The following USP49 variants were observed in gnomAD, a reference collection of about 807,000 sequenced individuals.
USP49 encodes the protein ubiquitin carboxyl-terminal hydrolase 49.
USP49 carries 24 observed loss-of-function variants against 58.6 expected under a neutral mutation model. That is an observed-to-expected ratio of 0.41 (90% confidence interval 0.30 to 0.58). The LOEUF (loss-of-function observed/expected upper bound fraction) is 0.58. USP49 is among the 20% of genes least tolerant of loss of function. The pLI is 0.30. For missense variants in USP49, 703 were observed against 866.1 expected (o/e 0.81, Z 2.36); for synonymous variants, 408 against 365.1 (o/e 1.12, Z -1.34).
intron 3 of USP49, among the ~76,000 whole-genome samples, chr6:41,848,015 A>T (rs1773953065): frequency 6.6e-6 from 1 of 152,236 alleles, no homozygotes; most frequent in South Asian, 2.1e-4. Context: ...GGCAGAGAAC[A>T]TATTCAAAGC....
At chr6:41,837,827 A>T (rs1561913849) in intron 3 of USP49, among the ~76,000 whole-genome samples, 1 of 152,228 alleles carries the variant, frequency 6.6e-6, no homozygotes, top group Non-Finnish European at 1.5e-5. Flanking sequence ...AAGAAGACAT[A>T]TGGTGGCCAA....
At chr6:41,826,809 CCTGTGGAGGA>C (rs943124608) in intron 3 of USP49, among the ~76,000 whole-genome samples, 1 of 152,102 alleles carries the variant, frequency 6.6e-6, no homozygotes, top group Non-Finnish European at 1.5e-5. Flanking sequence ...CTGCCAGCCT[CCTGTGGAGGA>C]CTGTGGAGGA....
intron 3 of USP49, among the ~76,000 whole-genome samples, chr6:41,860,438 G>A (rs191305495): frequency 7.9e-5 from 12 of 152,196 alleles, no homozygotes; most frequent in Admixed American, 2.0e-4. Flanking sequence ...ACTACTATTC[G>A]ATGATATTAA....
chr6:41,815,830 G>A (rs1177384084), intron 3 of USP49, among the ~76,000 whole-genome samples: 1 of 152,226 alleles, frequency 6.6e-6, no homozygotes, highest in East Asian at 1.9e-4. Context: ...CAGTAATCAA[G>A]TGCTGATATT....
chr6:41,807,626 G>A (rs781735665), intron 3 of USP49, among the ~76,000 whole-genome samples: 2 of 151,768 alleles, frequency 1.3e-5, no homozygotes, highest in Non-Finnish European at 2.9e-5. Context: ...ATTTTTAGTA[G>A]AGACGGGGTT....
intron 3 of USP49, among the ~76,000 whole-genome samples, chr6:41,860,201 T>C (rs937007790): frequency 6.6e-6 from 1 of 152,120 alleles, no homozygotes; most frequent in Non-Finnish European, 1.5e-5. Context: ...AGACTTAGTT[T>C]CTTTAGAGTC....
At chr6:41,894,702 T>G (rs949592196) in intron 1 of USP49, among the ~76,000 whole-genome samples, 1 of 151,612 alleles carries the variant, frequency 6.6e-6, no homozygotes. Context: ...CTACGAAGAT[T>G]TCCCCTTCAA....
chr6:41,809,010 T>C (rs1360788320), intron 3 of USP49, among the ~76,000 whole-genome samples: 1 of 151,438 alleles, frequency 6.6e-6, no homozygotes, highest in Non-Finnish European at 1.5e-5. Flanking sequence ...ACTTCCTGGG[T>C]TCAAGTGATC....
chr6:41,890,378 CA>C (rs34841111), intron 2 of USP49, among the ~76,000 whole-genome samples: 36 of 135,620 alleles, frequency 2.7e-4, no homozygotes, highest in African/African-American at 3.1e-4. Context: ...TACTCCAACT[CA>C]AAAAAAAAAA....
chr6:41,804,045 C>T (rs1773066306), intron 4 of USP49, 35 bp from the exon 5 acceptor site: 2 of 1,591,244 alleles, frequency 1.3e-6, no homozygotes, highest in Non-Finnish European at 1.7e-6. Context: ...GATTATATAA[C>T]TTCCATGCTT....
intron 3 of USP49, among the ~76,000 whole-genome samples, chr6:41,857,008 CCT>C (rs1156445852): frequency 6.6e-6 from 1 of 152,016 alleles, no homozygotes; most frequent in Non-Finnish European, 1.5e-5. Flanking sequence ...AAATGTATCC[CCT>C]GAGGATAAGG....
chr6:41,803,788 C>T lies in USP49; in HGVS notation c.1561+18G>A, dbSNP rs2127321566. 1 of 1,613,638 alleles carries T rather than the reference C, an allele frequency of 6.2e-7. No homozygotes were observed. Among genetic ancestry groups the T allele is most frequent in the Non-Finnish European group, 8.5e-7 (1 of 1,179,582 alleles). On this transcript the variant is annotated intron_variant, in intron 5 of 7. Coordinates refer to ENST00000682992, the MANE Select transcript of USP49 (RefSeq NM_001286554.2). The surrounding 1 kb of genome is among the most constrained non-coding windows in gnomAD (Gnocchi z 4.1). ...ATTATTCTTCCCCACTACGCCCCCT[C>T]CTCCACACAGCACTCACTGTTACAC...
chr6:41,852,005 T>G (rs1453985320), intron 3 of USP49, among the ~76,000 whole-genome samples: 2 of 144,558 alleles, frequency 1.4e-5, no homozygotes, highest in Admixed American at 1.4e-4. Flanking sequence ...TTATCTGTTC[T>G]CAGATAACAT....
intron 7 of USP49, 58 bp downstream of exon 7, chr6:41,798,666 A>C (rs1024410131): frequency 3.7e-6 from 6 of 1,612,778 alleles, no homozygotes; most frequent in Non-Finnish European, 3.4e-6. Flanking sequence ...AAACAATAAA[A>C]TGTGGACAAA....
In USP49 at chr6:41,803,762, A is replaced by G. The variant is rs1281109649; in HGVS notation, c.1561+44T>C. On this transcript the variant is annotated intron_variant, in intron 5 of 7. Transcript: ENST00000682992. The surrounding 1 kb of genome is among the most constrained non-coding windows in gnomAD (Gnocchi z 4.1). The stretch of plus-strand genomic sequence containing the variant: ...AAGCAGCACCTTAAACTGATATTCC[A>G]ATTATTCTTCCCCACTACGCCCCCT... 2.5e-6 allele frequency: 4 copies of G among 1,602,924 alleles called. No homozygotes were observed. The African/African-American group carries it at 4.0e-5, about 16-fold the overall frequency.
At chr6:41,804,052 G>A in intron 4 of USP49, 42 bp from the exon 5 acceptor site, 1 of 1,582,652 alleles carries the variant, frequency 6.3e-7, no homozygotes, top group Non-Finnish European at 8.6e-7. Flanking sequence ...TAACTTCCAT[G>A]CTTCCTGTGT....
intron 3 of USP49, among the ~76,000 whole-genome samples, chr6:41,833,836 G>T (rs1369675098): frequency 6.6e-6 from 1 of 152,190 alleles, no homozygotes; most frequent in Non-Finnish European, 1.5e-5. Flanking sequence ...TATTAACCTA[G>T]TCCACACTAT....
At chr6:41,867,455 T>A (rs115740142) in intron 3 of USP49, among the ~76,000 whole-genome samples, 8,518 of 151,966 alleles carry the variant, frequency 0.056, 419 homozygotes, top group Admixed American at 0.12. Context: ...TAAACATATG[T>A]TCTTCTGGCC....
chr6:41,811,918 C>A (rs1773263298), intron 3 of USP49, among the ~76,000 whole-genome samples: 1 of 152,042 alleles, frequency 6.6e-6, no homozygotes, highest in Non-Finnish European at 1.5e-5. Flanking sequence ...GCAGACAATT[C>A]CTGTTTCTCA....
Sources: allele counts gnomAD v4.1 joint callset (sites outside exome capture counted in the v4.1 genomes callset), GRCh38; gene constraint gnomAD v4.1.1; non-coding constraint Gnocchi (gnomAD v3.1); transcripts MANE v1.5; gene names NCBI Gene and HGNC (gene_info 2026-07-23, HGNC 2026-07-21).